The following CENPF variants were observed in gnomAD, a reference collection of about 807,000 sequenced individuals.
CENPF encodes the protein centromere protein F.
Under a neutral mutation model 307.3 loss-of-function variants are expected in CENPF, and 214 were observed. The observed-to-expected ratio is 0.70, with a 90% CI of 0.62 to 0.78. The LOEUF (loss-of-function observed/expected upper bound fraction) is 0.78, where lower values mean the gene tolerates loss of function less well. Among genes scored for constraint, CENPF ranks in the 30% least tolerant of loss-of-function variants. The pLI, the probability that CENPF is intolerant of heterozygous loss-of-function variation, is 0.00. For synonymous variants in CENPF, 1,259 were observed against 1,270.6 expected, an observed-to-expected ratio of 0.99 and a Z score of 0.19; for missense variants, 3,401 against 3,483.9, an observed-to-expected ratio of 0.98 and a Z score of 0.60.
At chr1:214,613,219 T>A (rs1657244093) in intron 1 of CENPF, 2 of 241,212 alleles carry the variant, frequency 8.3e-6, no homozygotes, top group South Asian at 1.3e-4. Context: ...ATACTTGATT[T>A]TCGTAAATCA....
At chr1:214,652,146 C>T (rs565941182) in intron 15 of CENPF, among the ~76,000 whole-genome samples, 1 of 148,120 alleles carries the variant, frequency 6.8e-6, no homozygotes, top group East Asian at 2.0e-4. Flanking sequence ...CACCATTCTC[C>T]TACCTCAGCC....
rs761095844 is a variant in CENPF, at chr1:214,646,197, G to A, written c.6627G>A (p.Arg2209=). ...KVFELDLVTL[R]SEKENLTKQI... The stretch of plus-strand genomic sequence containing the variant: ...TTGAATTAGACCTTGTCACGTTAAG[G>A]TCTGAAAAAGAAAATCTGACAAAAC... The change falls in exon 13 of 20, where the codon AGG becomes AGA. Residue 2209 remains arginine, a synonymous_variant. Coordinates refer to ENST00000366955, the MANE Select transcript of CENPF (RefSeq NM_016343.4). 6.2e-7 allele frequency: 1 copy of A among 1,613,280 alleles called. No individual in the cohort carries two copies. Among genetic ancestry groups the A allele is most frequent in the Admixed American group, 1.7e-5 (1 of 59,780 alleles).
chr1:214,620,469 C>T lies in CENPF; in HGVS notation c.574-186C>T, dbSNP rs541804891. Among the ~76,000 whole-genome samples the T allele has an allele frequency of 4.5e-4, 69 of 152,316 alleles. 1 individual carries two copies. Among genetic ancestry groups the T allele is most frequent in the Admixed American group, 2.0e-3 (30 of 15,288 alleles). On this transcript the variant is annotated intron_variant, in intron 5 of 19. Coordinates refer to ENST00000366955, the MANE Select transcript of CENPF (RefSeq NM_016343.4). ...GCTTATTCCTTCAATGCTAAGAAGT[C>T]GAGCATTAGAACATTCCATCACTGG...
At chr1:214,631,444 A>G (rs141288584) in intron 9 of CENPF, among the ~76,000 whole-genome samples, 101 of 152,344 alleles carry the variant, frequency 6.6e-4, no homozygotes, top group African/African-American at 2.4e-3. Flanking sequence ...TGTGAAATTT[A>G]TAGCCTAAAG....
chr1:214,638,564 C>T (rs981567059), intron 11 of CENPF, among the ~76,000 whole-genome samples: 25 of 152,230 alleles, frequency 1.6e-4, no homozygotes, highest in African/African-American at 5.8e-4. Flanking sequence ...ATGTCTTCTA[C>T]ATACCCTTTA....
In CENPF at chr1:214,614,969, G is replaced by A. The variant is rs746096702; in HGVS notation, c.300G>A (p.Gln100=). 13 of 1,609,948 alleles carry A rather than the reference G, an allele frequency of 8.1e-6. No homozygotes were observed. In the Admixed American group the frequency reaches 2.2e-4, roughly 27 times the overall value. ...TCAAGGAGTCACAAGTGAATTTCCA[G>A]GAAGGACAACTGAATTCAGGCAAAA... is the stretch of plus-strand genomic sequence containing the variant. The part of the protein sequence containing the change: ...LQVKESQVNF[Q]EGQLNSGKKQ... The change falls in exon 3 of 20, where the codon CAG becomes CAA. Residue 100 remains glutamine (Q), a synonymous_variant. Coordinates refer to ENST00000366955, the MANE Select transcript of CENPF (RefSeq NM_016343.4).
At chr1:214,614,776 T>C in intron 2 of CENPF, 56 bp from the exon 3 acceptor site, 2 of 1,237,824 alleles carry the variant, frequency 1.6e-6, no homozygotes, top group African/African-American at 1.5e-5. Flanking sequence ...TTACCAATAA[T>C]ACTTGGTAAA....
chr1:214,661,792 T>C (rs1658793381), intron 19 of CENPF, among the ~76,000 whole-genome samples: 1 of 152,150 alleles, frequency 6.6e-6, no homozygotes, highest in African/African-American at 2.4e-5. Context: ...GTGAGGGTCA[T>C]TTTCACTGAA....
At chr1:214,625,424 T>G (rs957779189) in intron 7 of CENPF, among the ~76,000 whole-genome samples, 3 of 152,136 alleles carry the variant, frequency 2.0e-5, no homozygotes, top group African/African-American at 7.2e-5. Flanking sequence ...TTTCACCATG[T>G]TGGCCAGGCT....
intron 1 of CENPF, among the ~76,000 whole-genome samples, chr1:214,606,480 C>T (rs1400324465): frequency 1.3e-4 from 20 of 152,312 alleles, no homozygotes; most frequent in African/African-American, 4.3e-4. Flanking sequence ...GTTAGAAAGC[C>T]GTTCCTGGTG....
At chr1:214,603,842 T>A (rs964278106) in intron 1 of CENPF, among the ~76,000 whole-genome samples, 4 of 151,892 alleles carry the variant, frequency 2.6e-5, no homozygotes, top group South Asian at 4.2e-4. Flanking sequence ...TTTCTTTTTT[T>A]AAATAGAGAT....
At position 214,646,907 on chromosome 1, in the gene CENPF, A is replaced by C; in HGVS notation, c.7337A>C (p.Gln2446Pro). ...ACTGCCATGGAGATGCTTCAAACAC[A>C]ATTAAAAGAGCTCAATGAGAGAGTG... The part of the protein sequence containing the change: ...SSTAMEMLQT[Q>P]LKELNERVAA... Residue 2446 changes from glutamine to proline, a missense_variant, in exon 13 of 20, where the codon CAA becomes CCA. By Grantham distance (76) the Gln-to-Pro change is moderately conservative. Transcript: ENST00000366955. 1 of 1,614,108 alleles carries C rather than the reference A, an allele frequency of 6.2e-7. No individual in the cohort carries two copies. The highest frequency in any genetic ancestry group is 8.5e-7 in the Non-Finnish European group (1 of 1,180,006).
At chr1:214,618,797 G>GTT in intron 4 of CENPF, 103 bp downstream of exon 4, 9 of 1,206,130 alleles carry the variant, frequency 7.5e-6, no homozygotes, top group Non-Finnish European at 1.0e-5. Context: ...AACTTTTAAT[G>GTT]TATATGTTTA....
At chr1:214,603,553 A>C (rs1399133750) in intron 1 of CENPF, 2 of 152,010 alleles carry the variant, frequency 1.3e-5, no homozygotes, top group Non-Finnish European at 2.9e-5. Flanking sequence ...TCGGGTTCAA[A>C]CTGGTCTCGG....
At chr1:214,652,493 G>T (rs1260430395) in intron 15 of CENPF, among the ~76,000 whole-genome samples, 4 of 141,860 alleles carry the variant, frequency 2.8e-5, no homozygotes, top group African/African-American at 1.1e-4. Context: ...ACCCAGGCTA[G>T]AGTGCAGTGG....
chr1:214,627,261 G>A (rs113536580), intron 7 of CENPF, among the ~76,000 whole-genome samples: 2,311 of 151,568 alleles, frequency 0.015, 69 homozygotes, highest in African/African-American at 0.053. Flanking sequence ...GGTTCACCAT[G>A]TTGCCCAAGT....
chr1:214,661,824 C>T (rs1240429277), intron 19 of CENPF, among the ~76,000 whole-genome samples: 1 of 151,704 alleles, frequency 6.6e-6, no homozygotes, highest in African/African-American at 2.4e-5. Flanking sequence ...TTTGCCCTCT[C>T]TCTGTTGCTA....
chr1:214,612,985 C>A, intron 1 of CENPF: 1 of 311,828 alleles, frequency 3.2e-6, no homozygotes, highest in South Asian at 3.9e-5. Flanking sequence ...GTCCTTCAGG[C>A]AGCTGAAGGA....
chr1:214,622,703 G>C (rs113471639), intron 7 of CENPF, among the ~76,000 whole-genome samples: 1,472 of 143,478 alleles, frequency 0.01, 11 homozygotes, highest in African/African-American at 0.04. Context: ...TGCATTCATG[G>C]ATTCAACCAA....
Sources: allele counts gnomAD v4.1 joint callset (sites outside exome capture counted in the v4.1 genomes callset), GRCh38; gene constraint gnomAD v4.1.1; transcripts MANE v1.5; gene names NCBI Gene and HGNC (gene_info 2026-07-23, HGNC 2026-07-21).